IFT43: variants seen among roughly 807,000 people sequenced by gnomAD.
IFT43 encodes intraflagellar transport 43.
A neutral mutation model predicts 32.3 loss-of-function variants in IFT43; 33 were observed. The ratio of observed to expected loss-of-function variants is 1.02; its 90% CI spans 0.77 to 1.37. IFT43 has a LOEUF of 1.37. Among genes scored for constraint, IFT43 ranks in the 40% most tolerant of loss-of-function variants. The probability of loss-of-function intolerance (pLI) is 0.00; values close to 1 mark genes in which losing one functional copy is unlikely to be tolerated. For synonymous variants in IFT43, 93 were observed against 98.2 expected, an observed-to-expected ratio of 0.95 and a Z score of 0.31; for missense variants, 274 against 265.9, an observed-to-expected ratio of 1.03 and a Z score of -0.21.
intron 5 of IFT43, among the ~76,000 whole-genome samples, chr14:76,067,158 A>G (rs2037238051): frequency 6.6e-6 from 1 of 152,210 alleles, no homozygotes. Context: ...CATGTTGCTT[A>G]TTCTTTCCTT....
intron 2 of IFT43, among the ~76,000 whole-genome samples, chr14:76,021,328 T>A (rs2036287796): frequency 6.6e-6 from 1 of 152,194 alleles, no homozygotes; most frequent in South Asian, 2.1e-4. Flanking sequence ...GTTTATCTCT[T>A]CTAAGCAAGT....
intron 3 of IFT43, 67 bp from the exon 4 acceptor site, chr14:76,058,575 A>G: frequency 6.3e-7 from 1 of 1,598,118 alleles, no homozygotes; most frequent in Non-Finnish European, 8.5e-7. Flanking sequence ...AACCTTCCTC[A>G]AGATACTACC....
Position 76,006,855 on chromosome 14 carries a change from A to ATTT in IFT43, c.148-15454_148-15452dup, listed in dbSNP as rs35845700. On this transcript the variant is annotated intron_variant, in intron 2 of 8. Transcript: ENST00000314067. ...AATATTTTTTAGGATTACTGGGGAC[A>ATTT]TTTTTTTTTTTTTTTTTTTTGAGAC... 2.5e-4 allele frequency among the ~76,000 whole-genome samples: 31 copies of ATTT among 124,402 alleles called. 1 individual carries two copies. The highest frequency in any genetic ancestry group is 3.7e-4 in the Non-Finnish European group (22 of 59,070). The allele number at this position is 124,402 out of a possible 152,430, so 81.6% of individuals were successfully genotyped here.
At chr14:76,005,738 C>T (rs1431800870) in intron 2 of IFT43, among the ~76,000 whole-genome samples, 1 of 152,210 alleles carries the variant, frequency 6.6e-6, no homozygotes, top group Admixed American at 6.5e-5. Flanking sequence ...CATTCACACT[C>T]AGATAATCTA....
chr14:76,011,068 A>AATT (rs367828753), intron 2 of IFT43, among the ~76,000 whole-genome samples: 20 of 151,208 alleles, frequency 1.3e-4, no homozygotes, highest in Admixed American at 3.3e-4. Context: ...ACACCCAGCT[A>AATT]ATTATTATTA....
At chr14:76,028,216 T>C (rs1348666693) in intron 3 of IFT43, among the ~76,000 whole-genome samples, 1 of 152,196 alleles carries the variant, frequency 6.6e-6, no homozygotes, top group African/African-American at 2.4e-5. Flanking sequence ...TTTTTTCCTT[T>C]ATAAATAATT....
chr14:76,015,211 G>T (rs76106635), intron 2 of IFT43, among the ~76,000 whole-genome samples: 1 of 152,220 alleles, frequency 6.6e-6, no homozygotes, highest in African/African-American at 2.4e-5. Flanking sequence ...CTCATATTAG[G>T]GGGTGTTTAC....
intron 3 of IFT43, among the ~76,000 whole-genome samples, chr14:76,037,705 A>C (rs201018074): frequency 9.0e-4 from 72 of 80,154 alleles, no homozygotes; most frequent in African/African-American, 3.0e-3. Context: ...TTTTTTTTTT[A>C]ATTTTATTGA....
chr14:75,999,261 A>G (rs576520850), intron 2 of IFT43, among the ~76,000 whole-genome samples: 26 of 23,356 alleles, frequency 1.1e-3, no homozygotes, highest in African/African-American at 5.7e-3. Flanking sequence ...ATATATATAT[A>G]TATATATATA....
chr14:76,045,735 G>A (rs549142288), intron 3 of IFT43, among the ~76,000 whole-genome samples: 45 of 152,338 alleles, frequency 3.0e-4, no homozygotes, highest in Admixed American at 2.3e-3. Flanking sequence ...TGATGTGAAA[G>A]TGACGGTGAA....
intron 3 of IFT43, among the ~76,000 whole-genome samples, chr14:76,027,324 T>G (rs2036417363): frequency 2.7e-5 from 3 of 110,186 alleles, no homozygotes; most frequent in Non-Finnish European, 5.5e-5. Context: ...TCCCTCCCCC[T>G]TCCCCAACAC....
intron 5 of IFT43, among the ~76,000 whole-genome samples, chr14:76,069,745 C>T (rs761461934): frequency 6.6e-6 from 1 of 152,022 alleles, no homozygotes; most frequent in Non-Finnish European, 1.5e-5. Flanking sequence ...AAAACAGGAG[C>T]CCAAAAAAAG....
chr14:76,028,832 A>G (rs1266845180), intron 3 of IFT43, among the ~76,000 whole-genome samples: 2 of 152,150 alleles, frequency 1.3e-5, no homozygotes, highest in Non-Finnish European at 2.9e-5. Flanking sequence ...GTATATATAT[A>G]TATCACATTT....
intron 2 of IFT43, among the ~76,000 whole-genome samples, chr14:76,017,271 C>A (rs941595324): frequency 6.6e-6 from 1 of 152,072 alleles, no homozygotes; most frequent in Non-Finnish European, 1.5e-5. Flanking sequence ...GATGTTCAAT[C>A]ATATCAAATG....
chr14:76,083,114 G>C (rs1025730606), intron 7 of IFT43, 113 bp from the exon 8 acceptor site: 21 of 1,062,026 alleles, frequency 2.0e-5, no homozygotes, highest in African/African-American at 4.7e-5. Flanking sequence ...CATTCCTGCA[G>C]GTCTCAGTTT....
intron 3 of IFT43, among the ~76,000 whole-genome samples, chr14:76,041,617 A>G (rs2036708885): frequency 6.6e-6 from 1 of 152,252 alleles, no homozygotes; most frequent in East Asian, 1.9e-4. Flanking sequence ...AAAAATTCAA[A>G]CAAGACAGAT....
intron 5 of IFT43, among the ~76,000 whole-genome samples, chr14:76,076,125 G>A (rs2037407641): frequency 6.6e-6 from 1 of 152,208 alleles, no homozygotes; most frequent in African/African-American, 2.4e-5. Flanking sequence ...CAGTGGCCAG[G>A]GCACTGAGTG....
At chr14:75,987,595 T>C (rs993970375) in intron 1 of IFT43, among the ~76,000 whole-genome samples, 1 of 152,200 alleles carries the variant, frequency 6.6e-6, no homozygotes, top group African/African-American at 2.4e-5. Flanking sequence ...TCAGTTTCTG[T>C]CCATTATTGT....
chr14:76,006,682 C>T (rs1319441913), intron 2 of IFT43, among the ~76,000 whole-genome samples: 3 of 151,732 alleles, frequency 2.0e-5, no homozygotes, highest in Non-Finnish European at 4.4e-5. Context: ...ATTTTTTAAC[C>T]ATTTAAAAAA....
Sources: gnomAD v4.1 joint callset for allele counts (sites outside exome capture counted in the v4.1 genomes callset) on GRCh38, gnomAD v4.1.1 for gene constraint, MANE v1.5 for transcripts, NCBI Gene and HGNC (gene_info 2026-07-23, HGNC 2026-07-21) for gene names.